CTNNA3: variants seen among roughly 807,000 people sequenced by gnomAD.
The protein encoded by CTNNA3 is catenin alpha-3.
In CTNNA3, 76 loss-of-function variants were observed where a neutral mutation model predicts 95.7. That is an observed-to-expected ratio of 0.79 (90% CI 0.66 to 0.96). The LOEUF (loss-of-function observed/expected upper bound fraction) is 0.96, where lower values mean the gene tolerates loss of function less well. CTNNA3 is among the 40% of genes least tolerant of loss of function. CTNNA3 has a pLI of 0.00. For synonymous variants in CTNNA3, 431 were observed against 374.4 expected (o/e 1.15, Z -1.74); for missense variants, 1,191 against 1,089.8 (o/e 1.09, Z -1.31).
intron 10 of CTNNA3, among the ~76,000 whole-genome samples, chr10:66,620,437 A>G (rs1363332742): frequency 6.6e-6 from 1 of 152,190 alleles, no homozygotes; most frequent in African/African-American, 2.4e-5. Context: ...AATATTTGCA[A>G]AAAGAATGTT....
intron 15 of CTNNA3, among the ~76,000 whole-genome samples, chr10:66,060,123 C>T (rs997919666): frequency 2.4e-4 from 36 of 151,892 alleles, no homozygotes; most frequent in Non-Finnish European, 3.8e-4. Flanking sequence ...GGAAGTTATA[C>T]CTAGAGCCTG....
chr10:67,489,177 A>G (rs553265403), intron 5 of CTNNA3, among the ~76,000 whole-genome samples: 7 of 152,358 alleles, frequency 4.6e-5, no homozygotes, highest in Admixed American at 3.3e-4. Flanking sequence ...TATCTTTTAC[A>G]GATTTCCCTG....
intron 13 of CTNNA3, among the ~76,000 whole-genome samples, chr10:66,200,689 C>T (rs760441488): frequency 2.6e-5 from 4 of 152,170 alleles, no homozygotes; most frequent in Non-Finnish European, 5.9e-5. Flanking sequence ...TCTGTTCAAT[C>T]CTCCTATTTC....
intron 1 of CTNNA3, among the ~76,000 whole-genome samples, chr10:67,694,838 C>G (rs1840933351): frequency 6.6e-6 from 1 of 152,006 alleles, no homozygotes; most frequent in African/African-American, 2.4e-5. Flanking sequence ...CTACGATGAA[C>G]ATTTAATGCT....
intron 9 of CTNNA3, among the ~76,000 whole-genome samples, chr10:66,685,321 GTGTGTA>G (rs1253154023): frequency 0.01 from 223 of 21,954 alleles, 5 homozygotes; most frequent in African/African-American, 0.028. Context: ...GTGTGTGTAT[GTGTGTA>G]TATATATATA....
chr10:65,997,180 T>A (rs1359095521), intron 15 of CTNNA3, among the ~76,000 whole-genome samples: 2 of 152,214 alleles, frequency 1.3e-5, no homozygotes, highest in African/African-American at 4.8e-5. Flanking sequence ...AAAGAGGAGT[T>A]ACCCCAAGAC....
chr10:67,247,659 T>C (rs983941204), intron 5 of CTNNA3, among the ~76,000 whole-genome samples: 1 of 152,168 alleles, frequency 6.6e-6, no homozygotes, highest in African/African-American at 2.4e-5. Context: ...AAAATGAATT[T>C]TGTAATCCTA....
At chr10:66,604,638 T>C (rs1844051969) in intron 10 of CTNNA3, among the ~76,000 whole-genome samples, 1 of 152,004 alleles carries the variant, frequency 6.6e-6, no homozygotes, top group Admixed American at 6.6e-5. Flanking sequence ...CACTCTCAGG[T>C]CACCATACTA....
At chr10:66,624,053 A>C (rs1160628897) in intron 9 of CTNNA3, among the ~76,000 whole-genome samples, 1 of 152,132 alleles carries the variant, frequency 6.6e-6, no homozygotes, top group East Asian at 1.9e-4. Flanking sequence ...GACATTTGAT[A>C]TCCTTTGTGT....
intron 9 of CTNNA3, among the ~76,000 whole-genome samples, chr10:66,685,671 C>G (rs1198682250): frequency 6.6e-6 from 1 of 151,578 alleles, no homozygotes; most frequent in Non-Finnish European, 1.5e-5. Context: ...CGCACCAGGC[C>G]AAGAACCATA....
chr10:66,075,240 ATAAT>A (rs2080527599), intron 14 of CTNNA3, among the ~76,000 whole-genome samples: 1 of 151,808 alleles, frequency 6.6e-6, no homozygotes, highest in South Asian at 2.1e-4. Flanking sequence ...TTAAATGACT[ATAAT>A]TACCCCTTAA....
At chr10:66,269,118 T>G (rs894600859) in intron 13 of CTNNA3, among the ~76,000 whole-genome samples, 17 of 152,220 alleles carry the variant, frequency 1.1e-4, no homozygotes, top group African/African-American at 3.6e-4. Context: ...TTGCATACAT[T>G]AACCCTTTTA....
chr10:66,939,141 C>T lies in CTNNA3; in HGVS notation c.1048-163617G>A, dbSNP rs1847871430. On this transcript the variant is annotated intron_variant, in intron 7 of 17. Transcript: ENST00000433211. ...TAACTACTCTACTGGAGGCCTCCAACACTCAGAAGCTGACAAGTAGTAATG... is the reference window on the plus strand; with the variant it reads ...TAACTACTCTACTGGAGGCCTCCAATACTCAGAAGCTGACAAGTAGTAATG... Among the ~76,000 whole-genome samples, 5 of 152,284 alleles carry T rather than the reference C, an allele frequency of 3.3e-5. No individual in the cohort carries two copies. The South Asian group carries it at 1.0e-3, about 32-fold the overall frequency.
intron 13 of CTNNA3, among the ~76,000 whole-genome samples, chr10:66,210,976 G>C (rs1348557434): frequency 2.6e-5 from 4 of 152,188 alleles, no homozygotes; most frequent in Non-Finnish European, 5.9e-5. Context: ...CCCATAAACA[G>C]AGAGCTCTCT....
At chr10:66,642,748 T>C (rs879587667) in intron 9 of CTNNA3, among the ~76,000 whole-genome samples, 2 of 152,148 alleles carry the variant, frequency 1.3e-5, no homozygotes, top group Admixed American at 1.3e-4. Flanking sequence ...CAAAGAAAAC[T>C]TTATTAGCAT....
intron 7 of CTNNA3, among the ~76,000 whole-genome samples, chr10:67,050,404 A>G (rs1855011773): frequency 6.6e-6 from 1 of 152,220 alleles, no homozygotes; most frequent in Non-Finnish European, 1.5e-5. Flanking sequence ...ATTTGAAAAT[A>G]TAAGTATTAG....
In CTNNA3 at chr10:66,840,410, A is replaced by AC. The variant is rs1554861314; in HGVS notation, c.1048-64887dup. 1.8e-3 allele frequency among the ~76,000 whole-genome samples: 203 copies of AC among 114,724 alleles called. 2 individuals are homozygous for AC. The highest frequency in any genetic ancestry group is 7.0e-3 in the African/African-American group (193 of 27,644). 75.3% of individuals were successfully genotyped at this position (114,724 alleles called of 152,430 possible). A position where few individuals can be genotyped will look rare whatever the true frequency, so the allele number is the denominator to read the frequency against. ...CACACACACACACACACACACACAC[A>AC]CCCCTCGGTATAGGTTGGAAGTCCT... On this transcript the variant is annotated intron_variant, in intron 7 of 17. Transcript: ENST00000433211.
At chr10:66,979,967 A>G (rs1850315819) in intron 7 of CTNNA3, among the ~76,000 whole-genome samples, 1 of 152,208 alleles carries the variant, frequency 6.6e-6, no homozygotes, top group African/African-American at 2.4e-5. Flanking sequence ...GGTTCCATCA[A>G]GTTTTTATTC....
intron 7 of CTNNA3, among the ~76,000 whole-genome samples, chr10:66,937,125 T>C (rs1847752059): frequency 6.6e-6 from 1 of 152,080 alleles, no homozygotes; most frequent in African/African-American, 2.4e-5. Flanking sequence ...TACAAAGTCT[T>C]TCTCCTTAAA....
Sources: allele counts gnomAD v4.1 joint callset (sites outside exome capture counted in the v4.1 genomes callset), GRCh38; gene constraint gnomAD v4.1.1; transcripts MANE v1.5; gene names NCBI Gene and HGNC (gene_info 2026-07-23, HGNC 2026-07-21).